UBR4: variants seen among roughly 807,000 people sequenced by gnomAD.
UBR4 encodes ubiquitin protein ligase E3 component n-recognin 4, also known as E3 ubiquitin-protein ligase UBR4.
Under a neutral mutation model 575.6 loss-of-function variants are expected in UBR4, and 124 were observed. That is an observed-to-expected ratio of 0.22 (90% confidence interval 0.19 to 0.25). The LOEUF is 0.25. UBR4 is among the 10% of genes least tolerant of loss of function. UBR4 has a pLI of 1.00. For synonymous variants in UBR4, 2,455 were observed against 2,473.7 expected, an observed-to-expected ratio of 0.99 and a Z score of 0.22; for missense variants, 4,818 against 6,478.8, an observed-to-expected ratio of 0.74 and a Z score of 8.80.
intron 47 of UBR4, 47 bp from the exon 48 acceptor site, chr1:19,151,906 G>T: frequency 6.7e-7 from 1 of 1,481,974 alleles, no homozygotes; most frequent in Non-Finnish European, 9.0e-7. Flanking sequence ...AAGTTCTTAA[G>T]TTTTAACTAG....
intron 17 of UBR4, among the ~76,000 whole-genome samples, chr1:19,183,442 C>A (rs2091209600): frequency 6.6e-6 from 1 of 152,184 alleles, no homozygotes; most frequent in Admixed American, 6.5e-5. Context: ...GAGCTACAGG[C>A]CGGGCGCGGT....
Position 19,088,400 on chromosome 1 carries a change from G to C in UBR4, c.14430+359C>G, listed in dbSNP as rs1350992834. 6.6e-6 allele frequency among the ~76,000 whole-genome samples: 1 copy of C among 152,192 alleles called. No individual in the cohort carries two copies. The highest frequency in any genetic ancestry group is 6.5e-5 in the Admixed American group (1 of 15,284). On this transcript the variant is annotated intron_variant, in intron 98 of 105. Transcript: ENST00000375254. The surrounding 1 kb of genome is among the most constrained non-coding windows in gnomAD (Gnocchi z 4.0). Reference sequence around the variant, plus strand: ...AACCCTTTGTGTCAACCACTTATTAGTTATGTGCCTTGGCCTATTTACTTC... The same window carrying C: ...AACCCTTTGTGTCAACCACTTATTACTTATGTGCCTTGGCCTATTTACTTC...
In UBR4 at chr1:19,150,562, T is replaced by C; in HGVS notation, c.7430+15A>G. ...ATATGTAAAAACTGAAGCCAACCCC[T>C]GCCAGCACTGGTACCTCTCCAGGAC... On this transcript the variant is annotated intron_variant, in intron 49 of 105. Transcript: ENST00000375254. 6.2e-7 allele frequency: 1 copy of C among 1,612,410 alleles called. No individual in the cohort carries two copies. Among genetic ancestry groups the C allele is most frequent in the Non-Finnish European group, 8.5e-7 (1 of 1,179,852 alleles).
In UBR4 at chr1:19,139,252, A is replaced by G; in HGVS notation, c.8594-32T>C. The stretch of plus-strand genomic sequence containing the variant: ...GAGTAACGAGAGCTGTTACAGGTTA[A>G]AAAACAAACAAACAAACAAACAAAC... On this transcript the variant is annotated intron_variant, in intron 58 of 105. Transcript: ENST00000375254. This position sits in a 1 kb window ranked among gnomAD's most constrained non-coding sequence, Gnocchi z 4.2. 1 of 1,552,568 alleles carries G rather than the reference A, an allele frequency of 6.4e-7. No homozygotes were observed. The highest frequency in any genetic ancestry group is 1.2e-5 in the South Asian group (1 of 81,758).
chr1:19,151,005 T>C, intron 48 of UBR4: 1 of 594,818 alleles, frequency 1.7e-6, no homozygotes, highest in Non-Finnish European at 3.0e-6. Flanking sequence ...GCCGATTACG[T>C]CTCCTACTCA....
chr1:19,100,257 G>T lies in UBR4; in HGVS notation c.13221+119C>A. On this transcript the variant is annotated intron_variant, in intron 89 of 105. Coordinates refer to ENST00000375254, the MANE Select transcript of UBR4 (RefSeq NM_020765.3). The surrounding 1 kb of genome is among the most constrained non-coding windows in gnomAD (Gnocchi z 4.2). ...CATTAACCCCAACTTACAGAGTGGAGAAACTGAAGGCCACCTGCCCCAAGT... is the reference window on the plus strand; with the variant it reads ...CATTAACCCCAACTTACAGAGTGGATAAACTGAAGGCCACCTGCCCCAAGT... The T allele has an allele frequency of 9.3e-7, 1 of 1,078,102 alleles. No individual in the cohort carries two copies. 66.8% of individuals were successfully genotyped at this position (1,078,102 alleles called of 1,614,324 possible). A position where few individuals can be genotyped will look rare whatever the true frequency, so the allele number is the denominator to read the frequency against.
chr1:19,090,924 G>T (rs1173692079), intron 97 of UBR4, among the ~76,000 whole-genome samples: 1 of 151,940 alleles, frequency 6.6e-6, no homozygotes, highest in South Asian at 2.1e-4. Flanking sequence ...GTGAAACCCC[G>T]AGTCTACTAA....
chr1:19,121,786 C>A, intron 67 of UBR4, 148 bp downstream of exon 67: 1 of 1,027,496 alleles, frequency 9.7e-7, no homozygotes, highest in South Asian at 1.6e-5. Context: ...TAGATTTTTA[C>A]TTGTCTTCTT....
chr1:19,118,584 CTAACTTT>C (rs2080845384), intron 71 of UBR4: 1 of 339,620 alleles, frequency 2.9e-6, no homozygotes, highest in African/African-American at 2.1e-5. Context: ...CCACGCCTGG[CTAACTTT>C]TTTAAATTTT....
At chr1:19,159,320 T>G (rs2086921847) in intron 39 of UBR4, among the ~76,000 whole-genome samples, 1 of 152,220 alleles carries the variant, frequency 6.6e-6, no homozygotes, top group Non-Finnish European at 1.5e-5. Context: ...GGTTTTAAAG[T>G]GAATAATGAC....
At chr1:19,171,838 C>T (rs1262374999) in intron 25 of UBR4, among the ~76,000 whole-genome samples, 15 of 152,074 alleles carry the variant, frequency 9.9e-5, no homozygotes, top group Non-Finnish European at 2.2e-4. Context: ...CAGTGAGATT[C>T]CATCTCAAAA....
In UBR4 at chr1:19,093,718, G is replaced by A. The variant is rs1020043749; in HGVS notation, c.13937+231C>T. Among the ~76,000 whole-genome samples, 22 of 152,180 alleles carry A rather than the reference G, an allele frequency of 1.4e-4. No homozygotes were observed. Among genetic ancestry groups the A allele is most frequent in the South Asian group, 6.2e-4 (3 of 4,808 alleles). ...ATTTGCGCACACGTGGCTCCATCTCGTCATATTCCTCCCATCTCACCAACC... is the reference window on the plus strand; with the variant it reads ...ATTTGCGCACACGTGGCTCCATCTCATCATATTCCTCCCATCTCACCAACC... On this transcript the variant is annotated intron_variant, in intron 95 of 105. Coordinates refer to ENST00000375254, the MANE Select transcript of UBR4 (RefSeq NM_020765.3). This position sits in a 1 kb window ranked among gnomAD's most constrained non-coding sequence, Gnocchi z 4.8.
Position 19,157,025 on chromosome 1 carries a change from A to T in UBR4, c.5761-100T>A. On this transcript the variant is annotated intron_variant, in intron 40 of 105. Transcript: ENST00000375254. The surrounding 1 kb of genome is among the most constrained non-coding windows in gnomAD (Gnocchi z 4.4). ...TTTCAATAGGGATAACAGGTTGCAC[A>T]CTTTTTTCTTTACAGATAAGTCTAG... The T allele has an allele frequency of 7.4e-7, 1 of 1,358,152 alleles. No individual in the cohort carries two copies. The highest frequency in any genetic ancestry group is 9.9e-7 in the Non-Finnish European group (1 of 1,008,452). 84.1% of individuals were successfully genotyped at this position (1,358,152 alleles called of 1,614,324 possible).
chr1:19,148,918 G>A (rs1389034956), intron 49 of UBR4, among the ~76,000 whole-genome samples: 1 of 152,200 alleles, frequency 6.6e-6, no homozygotes, highest in Non-Finnish European at 1.5e-5. Context: ...TCTGCTGCCT[G>A]TGGCAGGGAT....
At position 19,126,529 on chromosome 1, in the gene UBR4, C is replaced by T. The variant is rs2081815760; in HGVS notation, c.9355G>A (p.Val3119Met). The change falls in exon 64 of 106, where the codon GTG (valine) becomes ATG (methionine). Residue 3119 changes from valine to methionine, a missense_variant. Coordinates refer to ENST00000375254, the MANE Select transcript of UBR4 (RefSeq NM_020765.3). ...GGTTTCAGCAACTGGCTGGTAGCCA[C>T]AGGCTCCTCGTCATTCTGTTGGCTC... ...WKSQQNDEEP[V>M]ATSQLLKPHT... The T allele has an allele frequency of 1.9e-6, 3 of 1,614,088 alleles. No homozygotes were observed. Among genetic ancestry groups the T allele is most frequent in the Middle Eastern group, 3.3e-4 (2 of 6,084 alleles).
rs1163527593 is a variant in UBR4 at position 19,153,044 on chromosome 1, T to C, written c.6832+257A>G. Among the ~76,000 whole-genome samples, 1 of 152,154 alleles carries C rather than the reference T, an allele frequency of 6.6e-6. No individual in the cohort carries two copies. The highest frequency in any genetic ancestry group is 1.5e-5 in the Non-Finnish European group (1 of 68,020). ...TTCAGGGAAGTCATTCTCCTAAACC[T>C]AGAGAGAACAATCTCTCAAATAAGG... is the stretch of plus-strand genomic sequence containing the variant. On this transcript the variant is annotated intron_variant, in intron 46 of 105. Coordinates refer to ENST00000375254, the MANE Select transcript of UBR4 (RefSeq NM_020765.3). The surrounding 1 kb of genome is among the most constrained non-coding windows in gnomAD (Gnocchi z 4.1).
rs757200634 is a variant in UBR4, at chr1:19,160,132, C to A, written c.5556G>T (p.Val1852=). 1.9e-6 allele frequency: 3 copies of A among 1,612,848 alleles called. No individual in the cohort carries two copies. The highest frequency in any genetic ancestry group is 4.5e-5 in the East Asian group (2 of 44,842). Residue 1852 remains valine, a synonymous_variant, in exon 39 of 106, where the codon GTG becomes GTT. Coordinates refer to ENST00000375254, the MANE Select transcript of UBR4 (RefSeq NM_020765.3). ...LSELHTVEKA[V]EMTDQLMVPT... is the part of the protein sequence containing the mutation. ...TCACCATCAGCTGGTCTGTCATCTC[C>A]ACTGCCTTCTCCACAGTGTGTAGCT... is the stretch of plus-strand genomic sequence containing the variant.
Position 19,119,543 on chromosome 1 carries a change from A to G in UBR4, c.10455+14T>C. 6.2e-7 allele frequency: 1 copy of G among 1,608,768 alleles called. No individual in the cohort carries two copies. Among genetic ancestry groups the G allele is most frequent in the South Asian group, 1.1e-5 (1 of 90,932 alleles). On this transcript the variant is annotated intron_variant, in intron 70 of 105. Transcript: ENST00000375254. ...ATGGCAAGTTGGCCCCTCTGACCATAAAGCAACTGTTACCTTCTTCTCTGT... is the reference window on the plus strand; with the variant it reads ...ATGGCAAGTTGGCCCCTCTGACCATGAAGCAACTGTTACCTTCTTCTCTGT...
rs561398789 is a variant in UBR4, at chr1:19,121,432, C to T, written c.9898G>A (p.Val3300Ile). The stretch of plus-strand genomic sequence containing the variant: ...CTGACTTGGAGGAGGAAGTACAGGA[C>T]GGCTGCAAGCAGAGGAGACAGAGGC... ...WQKFCIKDDS[V>I]LYFLLQVSFL... Residue 3300 changes from valine (V) to isoleucine (I), a missense_variant and splice_region_variant, in exon 68 of 106, where the codon GTC becomes ATC. Physicochemically the swap from Val to Ile is conservative, Grantham distance 29. This residue lies in a region of UBR4 where 550 missense variants were observed against 791.5 expected (regional missense o/e 0.69). Transcript: ENST00000375254. The T allele has an allele frequency of 1.6e-5, 25 of 1,612,422 alleles. No homozygotes were observed. The highest frequency in any genetic ancestry group is 1.7e-4 in the Middle Eastern group (1 of 6,012).
Sources: allele counts gnomAD v4.1 joint callset (sites outside exome capture counted in the v4.1 genomes callset), GRCh38; gene constraint gnomAD v4.1.1; regional missense constraint gnomAD v4.1.1; non-coding constraint Gnocchi (gnomAD v3.1); transcripts MANE v1.5; gene names NCBI Gene and HGNC (gene_info 2026-07-23, HGNC 2026-07-21).